The following ITGB3BP variants were observed in gnomAD, a reference collection of about 807,000 sequenced individuals.
ITGB3BP encodes centromere protein R.
In ITGB3BP, 27 loss-of-function variants were observed where a neutral mutation model predicts 29.1. The observed-to-expected ratio is 0.93, with a 90% CI of 0.68 to 1.28. The LOEUF (loss-of-function observed/expected upper bound fraction) is 1.28, where lower values mean the gene tolerates loss of function less well. Ranked by LOEUF, ITGB3BP falls within the 50% of genes most tolerant of loss-of-function variation. The pLI, the probability that ITGB3BP is intolerant of heterozygous loss-of-function variation, is 0.00. For synonymous variants in ITGB3BP, 61 were observed against 61.4 expected, an observed-to-expected ratio of 0.99 and a Z score of 0.03; for missense variants, 192 against 200.2, an observed-to-expected ratio of 0.96 and a Z score of 0.25.
At chr1:63,527,431 T>C (rs1388562026), upstream of ITGB3BP, among the ~76,000 whole-genome samples, 2 of 63,594 alleles carry the variant, frequency 3.1e-5, no homozygotes, top group East Asian at 1.3e-3. Context: ...TCTATATCCT[T>C]CTGCCACTTA....
At chr1:63,470,743 T>C (rs1645181814) in intron 4 of ITGB3BP, among the ~76,000 whole-genome samples, 1 of 152,168 alleles carries the variant, frequency 6.6e-6, no homozygotes, top group South Asian at 2.1e-4. Flanking sequence ...TGGGTAAATA[T>C]ATGTATACAC....
At chr1:63,490,368 G>A in intron 2 of ITGB3BP, 150 bp from the exon 3 acceptor site, 4 of 576,728 alleles carry the variant, frequency 6.9e-6, no homozygotes, top group Non-Finnish European at 1.2e-5. Context: ...CACTCTCAAA[G>A]TAAACACTAT....
chr1:63,515,825 TAAAA>T lies in ITGB3BP; in HGVS notation c.6-7259_6-7256del, dbSNP rs76881362. ...TGGACAACAGAGCAAGACTCCAACT[TAAAA>T]AAAAAAAAAAAAAAAAAAAAAAAAG... On this transcript the variant is annotated intron_variant, in intron 1 of 8. Transcript: ENST00000271002. 7.6e-3 allele frequency among the ~76,000 whole-genome samples: 372 copies of T among 48,636 alleles called. 2 individuals carry two copies. Among genetic ancestry groups the T allele is most frequent in the African/African-American group, 0.024 (280 of 11,792 alleles). 31.9% of individuals were successfully genotyped at this position (48,636 alleles called of 152,430 possible).
At chr1:63,499,224 C>T (rs946387224) in intron 2 of ITGB3BP, among the ~76,000 whole-genome samples, 9 of 147,938 alleles carry the variant, frequency 6.1e-5, no homozygotes, top group Non-Finnish European at 1.2e-4. Context: ...GGCAATGGCG[C>T]GATCTCGGCT....
intron 4 of ITGB3BP, among the ~76,000 whole-genome samples, chr1:63,455,814 C>A (rs1449406820): frequency 6.6e-6 from 1 of 151,734 alleles, no homozygotes; most frequent in Non-Finnish European, 1.5e-5. Context: ...ATAATGTAAA[C>A]CATATATGTA....
At chr1:63,458,328 T>A (rs1483113308) in intron 4 of ITGB3BP, 1 of 152,126 alleles carries the variant, frequency 6.6e-6, no homozygotes, top group East Asian at 1.9e-4. Context: ...GTTTCATCAT[T>A]TACTTTTTCT....
intron 1 of ITGB3BP, among the ~76,000 whole-genome samples, chr1:63,519,765 T>C (rs930484032): frequency 3.9e-4 from 59 of 152,094 alleles, no homozygotes; most frequent in African/African-American, 1.4e-3. Flanking sequence ...GGCAGTAGCA[T>C]CAAAATGATT....
At chr1:63,523,026 C>CT in intron 1 of ITGB3BP, 103 bp downstream of exon 1, 1 of 1,412,074 alleles carries the variant, frequency 7.1e-7, no homozygotes, top group South Asian at 1.1e-5. Flanking sequence ...CAAGTTCATA[C>CT]TCCGAAAAAA....
chr1:63,445,571 TAGC>T (rs1418340384), intron 8 of ITGB3BP, among the ~76,000 whole-genome samples: 1 of 151,780 alleles, frequency 6.6e-6, no homozygotes, highest in Non-Finnish European at 1.5e-5. Flanking sequence ...CCCTAAGAGA[TAGC>T]AGGCAAAACA....
rs193152381 is a variant in ITGB3BP, at chr1:63,473,172, G to C, written c.254+5592C>G. Among the ~76,000 whole-genome samples the C allele has an allele frequency of 7.8e-3, 1,175 of 151,310 alleles. 11 individuals carry two copies. Among genetic ancestry groups the C allele is most frequent in the African/African-American group, 0.026 (1,061 of 41,194 alleles). On this transcript the variant is annotated intron_variant, in intron 4 of 8. Transcript: ENST00000271002. ...ACCGCCTCTGCTGGGCCGCAACCCT[G>C]TCTGGGAGGTGAGGAGCGTCTCTGC...
At chr1:63,479,814 A>G (rs1250007383) in intron 3 of ITGB3BP, among the ~76,000 whole-genome samples, 1 of 152,126 alleles carries the variant, frequency 6.6e-6, no homozygotes, top group Non-Finnish European at 1.5e-5. Flanking sequence ...CACTGAGTAT[A>G]TATACCATAT....
chr1:63,469,564 G>A (rs1557621305), intron 4 of ITGB3BP, among the ~76,000 whole-genome samples: 1 of 152,154 alleles, frequency 6.6e-6, no homozygotes, highest in Non-Finnish European at 1.5e-5. Flanking sequence ...GACCTCAGGT[G>A]ATCTGCCCGC....
chr1:63,453,795 C>T, intron 7 of ITGB3BP, 123 bp downstream of exon 7: 1 of 648,918 alleles, frequency 1.5e-6, no homozygotes, highest in Admixed American at 3.0e-5. Context: ...AAAGAACATA[C>T]TTCAGAACAG....
intron 3 of ITGB3BP, among the ~76,000 whole-genome samples, chr1:63,480,762 T>C (rs536274984): frequency 1.3e-5 from 2 of 152,258 alleles, no homozygotes; most frequent in East Asian, 3.9e-4. Context: ...TTATGAACTA[T>C]GCCTTATTTG....
At chr1:63,487,336 T>G (rs560382871) in intron 3 of ITGB3BP, among the ~76,000 whole-genome samples, 1 of 152,202 alleles carries the variant, frequency 6.6e-6, no homozygotes, top group African/African-American at 2.4e-5. Context: ...TGTAATAGTC[T>G]GGAGAAACTT....
intron 4 of ITGB3BP, among the ~76,000 whole-genome samples, chr1:63,470,653 A>C (rs1383559882): frequency 1.3e-5 from 2 of 152,184 alleles, no homozygotes; most frequent in Non-Finnish European, 2.9e-5. Context: ...TATCCATTTG[A>C]CTGTTGATGG....
At position 63,446,831 on chromosome 1, in the gene ITGB3BP, T is replaced by C; in HGVS notation, c.510A>G (p.Glu170=). The C allele has an allele frequency of 6.2e-7, 1 of 1,612,274 alleles. No individual in the cohort carries two copies. The highest frequency in any genetic ancestry group is 8.5e-7 in the Non-Finnish European group (1 of 1,178,634). ...HKASRHLDSY[E]FLKAILN ...CTCAGTTTAAAATGGCTTTAAGGAA[T>C]TCATAGCTGTCAAGATGACGTGATG... The change falls in exon 8 of 9, where the codon GAA becomes GAG. Residue 170 remains glutamate, a synonymous_variant. Transcript: ENST00000271002.
Position 63,523,181 on chromosome 1 carries a change from C to G in ITGB3BP, c.-48G>C. 3 of 1,613,012 alleles carry G rather than the reference C, an allele frequency of 1.9e-6. No homozygotes were observed. Among genetic ancestry groups the G allele is most frequent in the South Asian group, 2.2e-5 (2 of 91,032 alleles). The stretch of plus-strand genomic sequence containing the variant: ...CTGCCGCTGAATAAAACGAACCCAG[C>G]AACTTCCGAAAACAGAAAATCCGCC... On this transcript the variant is annotated 5_prime_UTR_variant, in exon 1 of 9. Transcript: ENST00000271002.
intron 3 of ITGB3BP, among the ~76,000 whole-genome samples, chr1:63,479,728 A>G (rs1369524963): frequency 1.3e-5 from 2 of 152,116 alleles, no homozygotes; most frequent in Non-Finnish European, 2.9e-5. Flanking sequence ...TACTTCCCTT[A>G]ACATAATATT....
Sources: gnomAD v4.1 joint callset for allele counts (sites outside exome capture counted in the v4.1 genomes callset) on GRCh38, gnomAD v4.1.1 for gene constraint, MANE v1.5 for transcripts, NCBI Gene and HGNC (gene_info 2026-07-23, HGNC 2026-07-21) for gene names.